RALGPS1: variants seen among roughly 807,000 people sequenced by gnomAD.
The protein encoded by RALGPS1 is ras-specific guanine nucleotide-releasing factor RalGPS1.
RALGPS1 carries 19 observed loss-of-function variants against 78.8 expected under a neutral mutation model. That is an observed-to-expected ratio of 0.24 (90% CI 0.17 to 0.35). The LOEUF is 0.35. RALGPS1 is among the 10% of genes least tolerant of loss of function. The probability of loss-of-function intolerance (pLI) is 1.00; values close to 1 mark genes in which losing one functional copy is unlikely to be tolerated. For missense variants in RALGPS1, 454 were observed against 688.3 expected, an observed-to-expected ratio of 0.66 and a Z score of 3.81; for synonymous variants, 228 against 256.3, an observed-to-expected ratio of 0.89 and a Z score of 1.06.
chr9:127,089,098 G>A (rs759635513), intron 8 of RALGPS1: 23 of 1,614,090 alleles, frequency 1.4e-5, no homozygotes, highest in South Asian at 1.1e-4. Context: ...GGGCACAGGC[G>A]TTATACCACC....
intron 1 of RALGPS1, among the ~76,000 whole-genome samples, chr9:126,923,900 CTTG>C (rs1256088814): frequency 6.6e-6 from 1 of 152,182 alleles, no homozygotes; most frequent in Non-Finnish European, 1.5e-5. Flanking sequence ...TCAGAAGATA[CTTG>C]TTGTTTCAGT....
intron 4 of RALGPS1, among the ~76,000 whole-genome samples, chr9:126,988,319 G>A (rs1469237597): frequency 1.3e-5 from 2 of 152,168 alleles, no homozygotes; most frequent in African/African-American, 4.8e-5. Context: ...GGCAGGAGAC[G>A]GCAGTGAGGC....
intron 8 of RALGPS1, among the ~76,000 whole-genome samples, chr9:127,149,587 G>A (rs529447285): frequency 1.3e-5 from 2 of 152,356 alleles, no homozygotes; most frequent in South Asian, 2.1e-4. Context: ...AGGCCTGTGT[G>A]CCTACCCTCC....
At chr9:126,952,940 A>G (rs1270475829) in intron 1 of RALGPS1, among the ~76,000 whole-genome samples, 2 of 152,168 alleles carry the variant, frequency 1.3e-5, no homozygotes, top group African/African-American at 4.8e-5. Flanking sequence ...ATCCATTTTC[A>G]TACTTGTCTG....
Position 127,212,339 on chromosome 9 carries a change from T to A in RALGPS1, c.1353+103T>A, listed in dbSNP as rs1368197636. 9.0e-6 allele frequency: 8 copies of A among 884,782 alleles called. No homozygotes were observed. The East Asian group carries it at 1.3e-4, about 15-fold the overall frequency. 54.8% of individuals were successfully genotyped at this position (884,782 alleles called of 1,614,324 possible). A position where few individuals can be genotyped will look rare whatever the true frequency, so the allele number is the denominator to read the frequency against. The stretch of plus-strand genomic sequence containing the variant: ...CAAAAGTCACATGCATGGCAGAGGC[T>A]CTGCTTGCAGTGGGCATGCAGCGAG... On this transcript the variant is annotated intron_variant, in intron 15 of 18. Coordinates refer to ENST00000259351, the MANE Select transcript of RALGPS1 (RefSeq NM_014636.3). This position sits in a 1 kb window ranked among gnomAD's most constrained non-coding sequence, Gnocchi z 6.0.
chr9:127,182,453 G>A (rs867439101), intron 11 of RALGPS1, among the ~76,000 whole-genome samples: 12 of 120,582 alleles, frequency 1.0e-4, no homozygotes, highest in South Asian at 8.4e-4. Flanking sequence ...TTTTTTTGAC[G>A]GAGTCTCGCT....
At chr9:127,051,517 TG>T in intron 6 of RALGPS1, among the ~76,000 whole-genome samples, 1 of 152,320 alleles carries the variant, frequency 6.6e-6, no homozygotes, top group Admixed American at 6.5e-5. Flanking sequence ...AGAAGTTCTG[TG>T]ACAGGCATAA....
At position 126,990,517 on chromosome 9, in the gene RALGPS1, C is replaced by T. The variant is rs546928792; in HGVS notation, c.216+12772C>T. 3.3e-5 allele frequency among the ~76,000 whole-genome samples: 5 copies of T among 152,324 alleles called. No individual in the cohort carries two copies. In the East Asian group the frequency reaches 7.7e-4, roughly 24 times the overall value. On this transcript the variant is annotated intron_variant, in intron 4 of 18. Transcript: ENST00000259351. The stretch of plus-strand genomic sequence containing the variant: ...CCAGCAGCAGACCTCCCGACTCTCT[C>T]CTGCTCCAGTTCACCACTTTGTGTG...
At chr9:126,934,923 G>C (rs569665984) in intron 1 of RALGPS1, among the ~76,000 whole-genome samples, 1 of 152,268 alleles carries the variant, frequency 6.6e-6, no homozygotes, top group Non-Finnish European at 1.5e-5. Context: ...CTCATTGTGT[G>C]AGTTATGTTT....
chr9:127,001,362 T>C (rs761998707), intron 4 of RALGPS1, among the ~76,000 whole-genome samples: 1 of 152,126 alleles, frequency 6.6e-6, no homozygotes, highest in East Asian at 1.9e-4. Flanking sequence ...TTTTAATTAA[T>C]TGAGCACACT....
At chr9:126,949,973 C>G (rs183696679) in intron 1 of RALGPS1, among the ~76,000 whole-genome samples, 68 of 152,308 alleles carry the variant, frequency 4.5e-4, no homozygotes, top group Admixed American at 2.4e-3. Flanking sequence ...TTTAATCCAT[C>G]TTGAATTAAT....
At chr9:126,983,901 T>C (rs1301352215) in intron 4 of RALGPS1, among the ~76,000 whole-genome samples, 1 of 152,170 alleles carries the variant, frequency 6.6e-6, no homozygotes, top group Non-Finnish European at 1.5e-5. Flanking sequence ...CTGGGTACTT[T>C]GTATCACATG....
chr9:127,128,980 C>T (rs1203758089), intron 8 of RALGPS1, among the ~76,000 whole-genome samples: 2 of 152,202 alleles, frequency 1.3e-5, no homozygotes, highest in Admixed American at 1.3e-4. Flanking sequence ...CTTCTCAACT[C>T]ACTTGCCAGG....
At chr9:126,997,970 T>A (rs1177297997) in intron 4 of RALGPS1, among the ~76,000 whole-genome samples, 1 of 152,194 alleles carries the variant, frequency 6.6e-6, no homozygotes, top group Non-Finnish European at 1.5e-5. Context: ...TAGCCATATG[T>A]AGAAAGCTGA....
chr9:127,066,871 G>A (rs1235000545), intron 7 of RALGPS1, among the ~76,000 whole-genome samples: 1 of 152,022 alleles, frequency 6.6e-6, no homozygotes, highest in African/African-American at 2.4e-5. Context: ...GGAGTACGGT[G>A]GCGCAATCAA....
chr9:127,013,518 G>T (rs1191861705), intron 4 of RALGPS1, among the ~76,000 whole-genome samples: 1 of 152,044 alleles, frequency 6.6e-6, no homozygotes, highest in African/African-American at 2.4e-5. Context: ...CTCCCAGTCA[G>T]TCCCCACACC....
chr9:127,195,162 A>G lies in RALGPS1; in HGVS notation c.982A>G (p.Ser328Gly). 2 of 1,613,076 alleles carry G rather than the reference A, an allele frequency of 1.2e-6. No individual in the cohort carries two copies. Among genetic ancestry groups the G allele is most frequent in the South Asian group, 1.1e-5 (1 of 91,080 alleles). The change falls in exon 12 of 19, where the codon AGC becomes GGC. Residue 328 changes from serine to glycine, a missense_variant. Transcript: ENST00000259351. Reference sequence around the variant, plus strand: ...CTGTCCTGACACATCTGTTGCTGGCAGCCTCCCCACACCTCCAGTCCCCAG... The same window carrying G: ...CTGTCCTGACACATCTGTTGCTGGCGGCCTCCCCACACCTCCAGTCCCCAG... Reference protein sequence around the residue: ...PTCPDTSVAGSLPTPPVPRHR... With the variant: ...PTCPDTSVAGGLPTPPVPRHR...
intron 8 of RALGPS1, among the ~76,000 whole-genome samples, chr9:127,096,312 G>T (rs948999767): frequency 6.6e-6 from 1 of 152,256 alleles, no homozygotes; most frequent in Non-Finnish European, 1.5e-5. Flanking sequence ...GCCGGTGGGC[G>T]TGGGAGGCCT....
chr9:127,193,127 G>A (rs1374048403), intron 11 of RALGPS1, among the ~76,000 whole-genome samples: 1 of 152,108 alleles, frequency 6.6e-6, no homozygotes, highest in African/African-American at 2.4e-5. Flanking sequence ...AGAGAGAAGG[G>A]GAAAGTGAGG....
Sources: allele counts gnomAD v4.1 joint callset (sites outside exome capture counted in the v4.1 genomes callset), GRCh38; gene constraint gnomAD v4.1.1; non-coding constraint Gnocchi (gnomAD v3.1); transcripts MANE v1.5; gene names NCBI Gene and HGNC (gene_info 2026-07-23, HGNC 2026-07-21).